The following EPB41L2 variants were observed in gnomAD, a reference collection of about 807,000 sequenced individuals.
The protein encoded by EPB41L2 is erythrocyte membrane protein band 4.1 like 2.
Under a neutral mutation model 113.0 loss-of-function variants are expected in EPB41L2, and 43 were observed. The observed-to-expected ratio is 0.38, with a 90% CI of 0.30 to 0.49. The LOEUF (loss-of-function observed/expected upper bound fraction) is 0.49, where lower values mean the gene tolerates loss of function less well. EPB41L2 is among the 20% of genes least tolerant of loss of function. EPB41L2 has a pLI of 0.95. For missense variants in EPB41L2, 1,147 were observed against 1,223.4 expected (o/e 0.94, Z 0.93); for synonymous variants, 442 against 436.7 (o/e 1.01, Z -0.15).
At chr6:130,925,459 G>C (rs1804400998) in intron 4 of EPB41L2, among the ~76,000 whole-genome samples, 1 of 152,078 alleles carries the variant, frequency 6.6e-6, no homozygotes, top group Non-Finnish European at 1.5e-5. Flanking sequence ...AAAGTGCTGG[G>C]ATTACAGGCA....
At chr6:130,864,403 T>C (rs139912728) in intron 17 of EPB41L2, among the ~76,000 whole-genome samples, 1 of 152,332 alleles carries the variant, frequency 6.6e-6, no homozygotes, top group East Asian at 1.9e-4. Context: ...CCTGCGTAAG[T>C]AGTCATACAC....
chr6:130,877,972 T>C, intron 14 of EPB41L2, 132 bp downstream of exon 14: 1 of 861,934 alleles, frequency 1.2e-6, no homozygotes, highest in Non-Finnish European at 1.6e-6. Context: ...TTTACAAAAT[T>C]GTTAGTAATT....
intron 1 of EPB41L2, among the ~76,000 whole-genome samples, chr6:130,990,764 T>C (rs951083513): frequency 6.6e-6 from 1 of 152,124 alleles, no homozygotes; most frequent in Non-Finnish European, 1.5e-5. Context: ...GTTGGTATAC[T>C]ATGCCGAGGA....
intron 1 of EPB41L2, among the ~76,000 whole-genome samples, chr6:131,034,279 A>G (rs997613640): frequency 6.6e-6 from 1 of 152,200 alleles, no homozygotes; most frequent in Non-Finnish European, 1.5e-5. Flanking sequence ...TGGGGGGGAC[A>G]GTATAATATA....
At chr6:130,965,755 C>T (rs1043033520) in intron 1 of EPB41L2, among the ~76,000 whole-genome samples, 1 of 151,916 alleles carries the variant, frequency 6.6e-6, no homozygotes, top group Non-Finnish European at 1.5e-5. Flanking sequence ...AGAATGGAGA[C>T]ATCCAAAAGT....
At chr6:131,022,030 A>G (rs527685436) in intron 1 of EPB41L2, among the ~76,000 whole-genome samples, 1 of 152,330 alleles carries the variant, frequency 6.6e-6, no homozygotes, top group South Asian at 2.1e-4. Context: ...GTAATATATA[A>G]TGAAATAATT....
chr6:130,929,469 G>A (rs1805950398), intron 3 of EPB41L2, among the ~76,000 whole-genome samples: 2 of 152,132 alleles, frequency 1.3e-5, no homozygotes, highest in Admixed American at 6.5e-5. Context: ...CAAGCCATGC[G>A]ATATGACTGC....
At chr6:131,057,181 C>T (rs757191600) in intron 1 of EPB41L2, among the ~76,000 whole-genome samples, 1 of 152,086 alleles carries the variant, frequency 6.6e-6, no homozygotes, top group Non-Finnish European at 1.5e-5. Context: ...TTTCAAAAAC[C>T]ACTCCTAAAG....
intron 3 of EPB41L2, among the ~76,000 whole-genome samples, chr6:130,935,546 A>G (rs1233552948): frequency 6.6e-6 from 1 of 152,232 alleles, no homozygotes; most frequent in African/African-American, 2.4e-5. Flanking sequence ...AATGGCACCA[A>G]AAAAATCTGA....
chr6:131,032,038 C>T (rs1465739614), intron 1 of EPB41L2, among the ~76,000 whole-genome samples: 2 of 152,098 alleles, frequency 1.3e-5, no homozygotes, highest in Non-Finnish European at 2.9e-5. Flanking sequence ...CCTAAAAACA[C>T]ATTTGAAGAG....
chr6:131,032,574 T>C (rs1019384260), intron 1 of EPB41L2, among the ~76,000 whole-genome samples: 2 of 152,210 alleles, frequency 1.3e-5, no homozygotes, highest in Non-Finnish European at 2.9e-5. Flanking sequence ...GCTCACTTGC[T>C]AGGTTAGCTT....
intron 1 of EPB41L2, among the ~76,000 whole-genome samples, chr6:131,005,205 A>G (rs531280692): frequency 1.3e-5 from 2 of 151,562 alleles, no homozygotes; most frequent in South Asian, 4.2e-4. Context: ...ACCTTCAAAA[A>G]CCTCTAAAAA....
At chr6:130,924,948 G>A (rs1244934395) in intron 4 of EPB41L2, among the ~76,000 whole-genome samples, 1 of 152,142 alleles carries the variant, frequency 6.6e-6, no homozygotes, top group Non-Finnish European at 1.5e-5. Context: ...TAGAATAATG[G>A]GGAGAAAGAG....
intron 1 of EPB41L2, among the ~76,000 whole-genome samples, chr6:131,005,564 G>A (rs1785311056): frequency 6.6e-6 from 1 of 152,284 alleles, no homozygotes; most frequent in South Asian, 2.1e-4. Flanking sequence ...CATGTATAAT[G>A]TATTCCAAAT....
At chr6:130,973,240 A>C (rs1273058405) in intron 1 of EPB41L2, among the ~76,000 whole-genome samples, 1 of 150,982 alleles carries the variant, frequency 6.6e-6, no homozygotes, top group Non-Finnish European at 1.5e-5. Flanking sequence ...CTGAAGAGAT[A>C]TTCATCTTTG....
intron 4 of EPB41L2, among the ~76,000 whole-genome samples, chr6:130,911,810 A>G (rs4897475): frequency 0.78 from 118,887 of 152,132 alleles, 46,957 homozygotes; most frequent in East Asian, 1. Context: ...GAGAAGTGCA[A>G]TTTTTGAGGT....
At chr6:130,881,720 A>G (rs959248896) in intron 12 of EPB41L2, 1 of 152,136 alleles carries the variant, frequency 6.6e-6, no homozygotes, top group African/African-American at 2.4e-5. Context: ...CAAACACCTA[A>G]TTTTAAATAA....
At chr6:130,907,219 G>GT (rs1798003676) in intron 5 of EPB41L2, among the ~76,000 whole-genome samples, 1 of 152,192 alleles carries the variant, frequency 6.6e-6, no homozygotes, top group African/African-American at 2.4e-5. Context: ...CAGAGAAAGT[G>GT]TAAGAACTAA....
At chr6:131,043,959 C>T (rs4259270) in intron 1 of EPB41L2, among the ~76,000 whole-genome samples, 22,612 of 150,500 alleles carry the variant, frequency 0.15, 2,314 homozygotes, top group East Asian at 0.43. Flanking sequence ...GGGAAAGGAA[C>T]GGGGAATCAA....
Sources: gnomAD v4.1 joint callset for allele counts (sites outside exome capture counted in the v4.1 genomes callset) on GRCh38, gnomAD v4.1.1 for gene constraint, MANE v1.5 for transcripts, NCBI Gene and HGNC (gene_info 2026-07-23, HGNC 2026-07-21) for gene names.